Variants in ZBTB20 observed in about 807,000 individuals in gnomAD.
The protein encoded by ZBTB20 is zinc finger and BTB domain containing 20, also known as zinc finger and BTB domain-containing protein 20.
In ZBTB20, 9 loss-of-function variants were observed where a neutral mutation model predicts 56.9. The observed-to-expected ratio is 0.16, with a 90% CI of 0.10 to 0.28. ZBTB20 has a LOEUF of 0.28. ZBTB20 is among the 10% of genes least tolerant of loss of function. The pLI is 1.00. For missense variants in ZBTB20, 655 were observed against 1,003.0 expected (o/e 0.65, Z 4.69); for synonymous variants, 417 against 420.7 (o/e 0.99, Z 0.11).
At chr3:114,489,964 TTCCACC>T (rs2042556287) in intron 7 of ZBTB20, among the ~76,000 whole-genome samples, 1 of 152,184 alleles carries the variant, frequency 6.6e-6, no homozygotes, top group African/African-American at 2.4e-5. Context: ...AGTTATAAAC[TTCCACC>T]TCCTTCAGAC....
chr3:114,778,382 A>G (rs1246157437), intron 5 of ZBTB20, among the ~76,000 whole-genome samples: 2 of 151,610 alleles, frequency 1.3e-5, no homozygotes, highest in African/African-American at 4.8e-5. Flanking sequence ...AAAAAACCCA[A>G]TAACTTAAAA....
chr3:115,137,236 A>G (rs565501612), intron 1 of ZBTB20, among the ~76,000 whole-genome samples: 1 of 152,206 alleles, frequency 6.6e-6, no homozygotes, highest in South Asian at 2.1e-4. Flanking sequence ...TTCAGATGAT[A>G]CAGCTTATAT....
chr3:114,341,547 T>A (rs1384804642), intron 11 of ZBTB20, among the ~76,000 whole-genome samples: 1 of 152,248 alleles, frequency 6.6e-6, no homozygotes, highest in African/African-American at 2.4e-5. Flanking sequence ...TTTGAAACTT[T>A]CACCTTCTGT....
intron 5 of ZBTB20, among the ~76,000 whole-genome samples, chr3:114,792,649 A>G (rs539839945): frequency 6.6e-6 from 1 of 152,268 alleles, no homozygotes; most frequent in East Asian, 1.9e-4. Flanking sequence ...CTCTTCAGAA[A>G]TGGGGGTGTT....
At chr3:114,720,045 A>C (rs927777602) in intron 5 of ZBTB20, among the ~76,000 whole-genome samples, 1 of 151,012 alleles carries the variant, frequency 6.6e-6, no homozygotes, top group Admixed American at 6.6e-5. Context: ...GAAGATATAG[A>C]AATGTAGGAG....
intron 2 of ZBTB20, among the ~76,000 whole-genome samples, chr3:115,023,442 CTG>C (rs2080287869): frequency 6.6e-6 from 1 of 150,898 alleles, no homozygotes; most frequent in Admixed American, 6.6e-5. Flanking sequence ...GCTCTCATGT[CTG>C]TGTCTTTTTC....
chr3:115,082,983 A>G (rs1411635550), intron 1 of ZBTB20, among the ~76,000 whole-genome samples: 2 of 152,098 alleles, frequency 1.3e-5, no homozygotes, highest in African/African-American at 4.8e-5. Flanking sequence ...GCAAATAAAT[A>G]TTCCTGCTCA....
chr3:114,510,490 C>T (rs1372414609), intron 6 of ZBTB20, among the ~76,000 whole-genome samples: 1 of 151,978 alleles, frequency 6.6e-6, no homozygotes, highest in Non-Finnish European at 1.5e-5. Flanking sequence ...ATTAACCCCA[C>T]ACTGAGCTTT....
chr3:114,394,088 T>C (rs2086127112), intron 7 of ZBTB20, among the ~76,000 whole-genome samples: 1 of 152,154 alleles, frequency 6.6e-6, no homozygotes, highest in Non-Finnish European at 1.5e-5. Flanking sequence ...AGAAAGGTAA[T>C]AGTAACAATA....
chr3:114,560,625 A>G (rs2051897084), intron 6 of ZBTB20, among the ~76,000 whole-genome samples: 2 of 152,224 alleles, frequency 1.3e-5, no homozygotes, highest in Admixed American at 1.3e-4. Flanking sequence ...GATGTAACAC[A>G]TCTTAATTAA....
chr3:115,037,865 G>A (rs2080991240), intron 2 of ZBTB20, among the ~76,000 whole-genome samples: 1 of 152,050 alleles, frequency 6.6e-6, no homozygotes, highest in Admixed American at 6.6e-5. Context: ...TTTAAATCTT[G>A]CCTTATTTTT....
intron 3 of ZBTB20, among the ~76,000 whole-genome samples, chr3:114,963,673 C>T (rs1186746404): frequency 6.6e-6 from 1 of 152,122 alleles, no homozygotes; most frequent in Admixed American, 6.6e-5. Context: ...TTAAACACTT[C>T]TAAGACTTTC....
intron 4 of ZBTB20, among the ~76,000 whole-genome samples, chr3:114,840,011 A>G (rs2074314705): frequency 6.6e-6 from 1 of 152,230 alleles, no homozygotes; most frequent in African/African-American, 2.4e-5. Context: ...TGGCAACCCT[A>G]GTAAATTAAT....
At chr3:114,429,377 G>A (rs574974714) in intron 7 of ZBTB20, among the ~76,000 whole-genome samples, 2 of 152,132 alleles carry the variant, frequency 1.3e-5, no homozygotes, top group Non-Finnish European at 2.9e-5. Flanking sequence ...GTTAGACACT[G>A]GAAATAATCT....
chr3:114,691,433 A>C (rs1399370098), intron 6 of ZBTB20, among the ~76,000 whole-genome samples: 1 of 152,092 alleles, frequency 6.6e-6, no homozygotes, highest in Admixed American at 6.6e-5. Context: ...ATATTCATGA[A>C]TTTAAGATTT....
rs946729330 is a variant in ZBTB20 at position 114,627,784 on chromosome 3, G to A, written c.-295+65744C>T. Among the ~76,000 whole-genome samples the A allele has an allele frequency of 3.3e-5, 5 of 152,104 alleles. No homozygotes were observed. In the South Asian group the frequency reaches 6.2e-4, roughly 19 times the overall value. On this transcript the variant is annotated intron_variant, in intron 6 of 11. Coordinates refer to ENST00000675478, the MANE Select transcript of ZBTB20 (RefSeq NM_001348800.3). ...AACAAGTCACAATGACAAATCATCC[G>A]TTTCCTCTTTTCTTTTCCCAGATTG...
chr3:114,895,567 A>C (rs1469746333), intron 4 of ZBTB20, among the ~76,000 whole-genome samples: 2 of 152,148 alleles, frequency 1.3e-5, no homozygotes, highest in African/African-American at 4.8e-5. Flanking sequence ...AATTATGTTG[A>C]ACTGAGATAA....
chr3:114,715,289 G>T (rs775992426), intron 5 of ZBTB20, among the ~76,000 whole-genome samples: 1 of 152,082 alleles, frequency 6.6e-6, no homozygotes, highest in African/African-American at 2.4e-5. Context: ...CTAACAACCC[G>T]AGGTGGAATG....
chr3:115,043,441 C>T lies in ZBTB20; in HGVS notation c.-507+27778G>A, dbSNP rs945812249. On this transcript the variant is annotated intron_variant, in intron 2 of 11. Coordinates refer to ENST00000675478, the MANE Select transcript of ZBTB20 (RefSeq NM_001348800.3). ...AAAATTAGCCAGGTGTGGTGGCAGC[C>T]GCCTGTAATCCCAGCTACTCGGGAG... 2.6e-5 allele frequency among the ~76,000 whole-genome samples: 4 copies of T among 151,026 alleles called. No homozygotes were observed. The East Asian group carries it at 7.7e-4, about 29-fold the overall frequency.
Sources: gnomAD v4.1 joint callset for allele counts (sites outside exome capture counted in the v4.1 genomes callset) on GRCh38, gnomAD v4.1.1 for gene constraint, MANE v1.5 for transcripts, NCBI Gene and HGNC (gene_info 2026-07-23, HGNC 2026-07-21) for gene names.